PCDHA12: variants seen among roughly 807,000 people sequenced by gnomAD.
PCDHA12 encodes the protein protocadherin alpha 12, also known as protocadherin alpha-12.
PCDHA12 carries 44 observed loss-of-function variants against 60.0 expected under a neutral mutation model. That is an observed-to-expected ratio of 0.73 (90% CI 0.58 to 0.94). PCDHA12 has a LOEUF of 0.94. Ranked by LOEUF, PCDHA12 falls within the 40% of genes least tolerant of loss-of-function variation. PCDHA12 has a pLI of 0.00. For missense variants in PCDHA12, 1,276 were observed against 1,239.7 expected, an observed-to-expected ratio of 1.03 and a Z score of -0.44; for synonymous variants, 569 against 553.0, an observed-to-expected ratio of 1.03 and a Z score of -0.40.
intron 1 of PCDHA12, among the ~76,000 whole-genome samples, chr5:140,911,895 T>C (rs1289494210): frequency 1.3e-5 from 2 of 152,184 alleles, no homozygotes; most frequent in East Asian, 3.8e-4. Flanking sequence ...AAAATCTGTA[T>C]TAGTCAGAGC....
At chr5:140,892,666 A>G (rs2063614919) in intron 1 of PCDHA12, among the ~76,000 whole-genome samples, 1 of 152,170 alleles carries the variant, frequency 6.6e-6, no homozygotes, top group Admixed American at 6.6e-5. Flanking sequence ...TGACATTTTG[A>G]TACATATATA....
chr5:140,922,074 CA>C (rs1554200639), intron 1 of PCDHA12, among the ~76,000 whole-genome samples: 1 of 151,892 alleles, frequency 6.6e-6, no homozygotes, highest in Non-Finnish European at 1.5e-5. Flanking sequence ...TCCCACTAAG[CA>C]AAAAGTGGTA....
At chr5:140,929,316 C>G in intron 1 of PCDHA12, 1 of 1,556,954 alleles carries the variant, frequency 6.4e-7, no homozygotes, top group Non-Finnish European at 8.7e-7. Flanking sequence ...ACGCTAATGT[C>G]AATGCCATGG....
chr5:140,877,084 C>G lies in PCDHA12; in HGVS notation c.1612C>G (p.Arg538Gly). The G allele has an allele frequency of 6.2e-7, 1 of 1,613,176 alleles. No homozygotes were observed. Among genetic ancestry groups the G allele is most frequent in the Non-Finnish European group, 8.5e-7 (1 of 1,179,838 alleles). Residue 538 changes from arginine (R) to glycine (G), a missense_variant, in exon 1 of 4, where the codon CGC becomes GGC. Arg to Gly is a moderately radical substitution (Grantham distance 125). Coordinates refer to ENST00000398631, the MANE Select transcript of PCDHA12 (RefSeq NM_018903.4). ...LELLQFQVSA[R>G]DAGVPPLGSN... ...GCTGCTGCAGTTCCAGGTGAGCGCG[C>G]GCGACGCCGGCGTGCCGCCTCTGGG...
intron 1 of PCDHA12, among the ~76,000 whole-genome samples, chr5:140,907,888 C>G (rs1441879791): frequency 6.6e-6 from 1 of 152,234 alleles, no homozygotes; most frequent in Non-Finnish European, 1.5e-5. Flanking sequence ...ACATGGGATA[C>G]AAATATCTTC....
intron 1 of PCDHA12, among the ~76,000 whole-genome samples, chr5:140,892,996 G>A (rs1014134688): frequency 2.0e-5 from 3 of 152,162 alleles, no homozygotes; most frequent in Admixed American, 1.3e-4. Flanking sequence ...GTGAGAACAT[G>A]TATTTATTTT....
At chr5:140,946,277 AT>A (rs1554217463) in intron 1 of PCDHA12, among the ~76,000 whole-genome samples, 1 of 152,068 alleles carries the variant, frequency 6.6e-6, no homozygotes, top group Non-Finnish European at 1.5e-5. Flanking sequence ...TAAAACCCCA[AT>A]GAGATATCAC....
intron 1 of PCDHA12, among the ~76,000 whole-genome samples, chr5:140,961,888 T>G (rs1361187779): frequency 4.0e-5 from 5 of 124,944 alleles, no homozygotes; most frequent in Non-Finnish European, 7.9e-5. Context: ...CTTACATCAG[T>G]TTTTTTTTTT....
chr5:140,937,812 T>A (rs930837901), intron 1 of PCDHA12, among the ~76,000 whole-genome samples: 3 of 150,742 alleles, frequency 2.0e-5, no homozygotes, highest in Non-Finnish European at 4.4e-5. Flanking sequence ...CTCGGGAAGC[T>A]GAGGCAGGAG....
intron 1 of PCDHA12, among the ~76,000 whole-genome samples, chr5:140,895,125 G>T (rs1165797883): frequency 2.0e-5 from 3 of 152,068 alleles, no homozygotes; most frequent in African/African-American, 7.2e-5. Flanking sequence ...TTTGTTAGTT[G>T]ACAAGTTCAT....
intron 3 of PCDHA12, among the ~76,000 whole-genome samples, chr5:140,995,247 A>G (rs1377733694): frequency 6.6e-6 from 1 of 152,186 alleles, no homozygotes; most frequent in Non-Finnish European, 1.5e-5. Context: ...TAAGTAAAAT[A>G]AGGGTACTTG....
rs2098419648 is a variant in PCDHA12 at position 141,011,160 on chromosome 5, A to AT, written c.*1224dup. The AT allele has an allele frequency of 6.5e-6, 1 of 153,706 alleles. No homozygotes were observed. The highest frequency in any genetic ancestry group is 2.4e-5 in the African/African-American group (1 of 41,436). 9.5% of individuals were successfully genotyped at this position (153,706 alleles called of 1,614,324 possible). A position where few individuals can be genotyped will look rare whatever the true frequency, so the allele number is the denominator to read the frequency against. ...TACACAACCTTCTCTAACCAACTAT[A>AT]TATCAAGACCCAAAAATTGAAGAAA... On this transcript the variant is annotated 3_prime_UTR_variant, in exon 4 of 4. Coordinates refer to ENST00000398631, the MANE Select transcript of PCDHA12 (RefSeq NM_018903.4).
chr5:140,938,760 T>C (rs574872397), intron 1 of PCDHA12, among the ~76,000 whole-genome samples: 2 of 152,286 alleles, frequency 1.3e-5, no homozygotes, highest in Admixed American at 1.3e-4. Flanking sequence ...GCATAGTTAT[T>C]GGGTACTAGA....
intron 1 of PCDHA12, among the ~76,000 whole-genome samples, chr5:140,895,667 G>A (rs2153450568): frequency 1.3e-5 from 2 of 152,262 alleles, no homozygotes; most frequent in South Asian, 4.1e-4. Context: ...GTGAGAACAT[G>A]TAGTATTTGG....
At position 140,928,541 on chromosome 5, in the gene PCDHA12, A is replaced by G. The variant is rs149868042; in HGVS notation, c.2368-50408A>G. On this transcript the variant is annotated intron_variant, in intron 1 of 3. Transcript: ENST00000398631. ...AACTTGTTTGTGGTAGATAGGAATG[A>G]CAATTATCCGGTTATCTTGTTTCCC... 2 of 1,614,192 alleles carry G rather than the reference A, an allele frequency of 1.2e-6. No homozygotes were observed. Among genetic ancestry groups the G allele is most frequent in the African/African-American group, 1.3e-5 (1 of 75,044 alleles).
intron 1 of PCDHA12, among the ~76,000 whole-genome samples, chr5:140,954,349 G>A (rs554018151): frequency 2.0e-4 from 31 of 152,312 alleles, no homozygotes; most frequent in Admixed American, 1.8e-3. Flanking sequence ...AGATCTTTGA[G>A]GAATCGCCAC....
At chr5:140,877,943 T>C in intron 1 of PCDHA12, 104 bp downstream of exon 1, 1 of 1,363,226 alleles carries the variant, frequency 7.3e-7, no homozygotes, top group Non-Finnish European at 9.6e-7. Context: ...TCCTTTAAAC[T>C]ATCGAATGTC....
In PCDHA12 at chr5:140,875,505, C is replaced by T; in HGVS notation, c.33C>T (p.Ser11=). 3.7e-6 allele frequency: 6 copies of T among 1,613,560 alleles called. No individual in the cohort carries two copies. The highest frequency in any genetic ancestry group is 5.1e-6 in the Non-Finnish European group (6 of 1,179,630). MVIIGPRGPG[S]QRLLLSLLLL... ...TTATCGGACCAAGAGGCCCGGGATC[C>T]CAGCGTCTGCTGCTCTCGCTTCTGC... Residue 11 remains serine, a synonymous_variant, in exon 1 of 4, where the codon TCC becomes TCT. Coordinates refer to ENST00000398631, the MANE Select transcript of PCDHA12 (RefSeq NM_018903.4).
intron 1 of PCDHA12, among the ~76,000 whole-genome samples, chr5:140,946,813 G>T (rs2094033515): frequency 6.6e-6 from 1 of 151,408 alleles, no homozygotes; most frequent in South Asian, 2.1e-4. Flanking sequence ...GTATAACAGT[G>T]ATTACCAGAG....
Sources: allele counts gnomAD v4.1 joint callset (sites outside exome capture counted in the v4.1 genomes callset), GRCh38; gene constraint gnomAD v4.1.1; transcripts MANE v1.5; gene names NCBI Gene and HGNC (gene_info 2026-07-23, HGNC 2026-07-21).